The following SACS variants were observed in gnomAD, a reference collection of about 807,000 sequenced individuals.
SACS encodes the protein sacsin.
Under a neutral mutation model 348.0 loss-of-function variants are expected in SACS, and 197 were observed. The observed-to-expected ratio is 0.57, with a 90% CI of 0.50 to 0.64. SACS has a LOEUF of 0.64. Among genes scored for constraint, SACS ranks in the 30% least tolerant of loss-of-function variants. The probability of loss-of-function intolerance (pLI) is 0.00; values close to 1 mark genes in which losing one functional copy is unlikely to be tolerated. For synonymous variants in SACS, 1,985 were observed against 1,910.6 expected (o/e 1.04, Z -1.02); for missense variants, 4,999 against 5,360.8 (o/e 0.93, Z 2.11).
intron 2 of SACS, among the ~76,000 whole-genome samples, chr13:23,409,070 T>TTTTTTTTTTTTTTTTTTTTTTTG: frequency 1.4e-5 from 1 of 72,732 alleles, no homozygotes; most frequent in Non-Finnish European, 2.7e-5. Flanking sequence ...TTTTTTTTTT[T>TTTTTTTTTTTTTTTTTTTTTTTG]GAGACGGAGT....
At chr13:23,412,556 G>A (rs939632452) in intron 1 of SACS, among the ~76,000 whole-genome samples, 29 of 151,198 alleles carry the variant, frequency 1.9e-4, no homozygotes, top group African/African-American at 6.8e-4. Context: ...TGGGATTACA[G>A]GCGCCTGCCC....
At chr13:23,377,899 T>C (rs1477364056) in intron 2 of SACS, among the ~76,000 whole-genome samples, 1 of 152,226 alleles carries the variant, frequency 6.6e-6, no homozygotes, top group African/African-American at 2.4e-5. Flanking sequence ...CTCCGTGGGA[T>C]ATCCCAGTGG....
intron 2 of SACS, among the ~76,000 whole-genome samples, chr13:23,399,037 A>AAAAAAAAAAAAAAAAAAAAAAAAAC (rs55848856): frequency 1.3e-5 from 2 of 149,862 alleles, no homozygotes; most frequent in Admixed American, 1.3e-4. Flanking sequence ...AAAAAAAAAA[A>AAAAAAAAAAAAAAAAAAAAAAAAAC]CATGGATGCC....
At position 23,338,341 on chromosome 13, in the gene SACS, T is replaced by C. The variant is rs747629238; in HGVS notation, c.5535A>G (p.Pro1845=). Residue 1845 remains proline (P), a synonymous_variant, in exon 10 of 10, where the codon CCA becomes CCG. Coordinates refer to ENST00000382292, the MANE Select transcript of SACS (RefSeq NM_014363.6). ...ACAGCTGAACTCCTACTGCCCCACATGGAACCAGTCCTAGTCTTCTTCCAC... is the reference window on the plus strand; with the variant it reads ...ACAGCTGAACTCCTACTGCCCCACACGGAACCAGTCCTAGTCTTCTTCCAC... ...SESGRRLGLV[P]CGAVGVQLSE... 3.1e-6 allele frequency: 5 copies of C among 1,614,136 alleles called. No individual in the cohort carries two copies. Among genetic ancestry groups the C allele is most frequent in the South Asian group, 1.1e-5 (1 of 91,078 alleles).
chr13:23,393,720 C>T (rs1461497350), intron 2 of SACS, among the ~76,000 whole-genome samples: 2 of 151,910 alleles, frequency 1.3e-5, no homozygotes, highest in Non-Finnish European at 2.9e-5. Flanking sequence ...TAAAGAGCCC[C>T]TTTTGGCCCT....
intron 2 of SACS, among the ~76,000 whole-genome samples, chr13:23,408,057 G>C (rs1004799553): frequency 6.6e-6 from 1 of 152,124 alleles, no homozygotes; most frequent in African/African-American, 2.4e-5. Context: ...CAATCGTCTT[G>C]ATGCCTATCA....
chr13:23,374,525 C>T (rs1871618270), intron 3 of SACS, among the ~76,000 whole-genome samples: 1 of 152,220 alleles, frequency 6.6e-6, no homozygotes, highest in African/African-American at 2.4e-5. Flanking sequence ...TTCAACTGAA[C>T]TCTCCCTTTA....
Position 23,389,189 on chromosome 13 carries a change from T to C in SACS, c.21-13920A>G, listed in dbSNP as rs951264983. On this transcript the variant is annotated intron_variant, in intron 2 of 9. Coordinates refer to ENST00000382292, the MANE Select transcript of SACS (RefSeq NM_014363.6). ...GTGTGTGTATATATATATGTGTGTA[T>C]GTGTGTGTGTGTATATAGCCTGTGT... Among the ~76,000 whole-genome samples, 4 of 127,400 alleles carry C rather than the reference T, an allele frequency of 3.1e-5. 1 individual carries two copies. The highest frequency in any genetic ancestry group is 7.7e-5 in the Admixed American group (1 of 12,962). The allele number at this position is 127,400 out of a possible 152,430, so 83.6% of individuals were successfully genotyped here.
rs1555251539 is a variant in SACS, at chr13:23,336,712, GGT to G, written c.7162_7163del (p.Thr2388ArgfsTer10). 1 of 1,613,728 alleles carries G rather than the reference GGT, an allele frequency of 6.2e-7. No homozygotes were observed. The highest frequency in any genetic ancestry group is 8.5e-7 in the Non-Finnish European group (1 of 1,179,836). ...YKNNFRELFETVGVRQSCTVE... is the reference protein window; with the variant it reads ...YKNNFRELFEXVGVRQSCTVE... ...CAGTGCATGACTGCCTCACACCCAC[GGT>G]TTCAAAAAGTTCGCGGAAATTATTT... On this transcript the variant is annotated frameshift_variant, in exon 10 of 10. Transcript: ENST00000382292. LOFTEE classifies it high-confidence loss of function.
At position 23,335,309 on chromosome 13, in the gene SACS, C is replaced by A; in HGVS notation, c.8567G>T (p.Cys2856Phe). The change falls in exon 10 of 10, where the codon TGC (cysteine) becomes TTC (phenylalanine). Residue 2856 changes from cysteine to phenylalanine, a missense_variant. Coordinates refer to ENST00000382292, the MANE Select transcript of SACS (RefSeq NM_014363.6). The surrounding 1 kb of genome is among the most constrained non-coding windows in gnomAD (Gnocchi z 4.7). The stretch of plus-strand genomic sequence containing the variant: ...GGGTTTTTTATAGTTGTGAGTAATG[C>A]AGGCAGCTACTCCACCACGTGGGAA... ...TLFPRGGVAACITHNYKKPHR... is the reference protein window; with the variant it reads ...TLFPRGGVAAFITHNYKKPHR... 6.2e-7 allele frequency: 1 copy of A among 1,613,890 alleles called. No homozygotes were observed. Among genetic ancestry groups the A allele is most frequent in the South Asian group, 1.1e-5 (1 of 91,078 alleles).
At position 23,336,576 on chromosome 13, in the gene SACS, T is replaced by G. The variant is rs112638594; in HGVS notation, c.7300A>C (p.Ser2434Arg). ...CRRIISEGIW[S>R]LIREKKQEFC... ...TCTTGTTTCTTTTCTCTAATGAGAC[T>G]CCATATTCCTTCACTGATTATTCGT... The change falls in exon 10 of 10, where the codon AGT (serine) becomes CGT (arginine). Residue 2434 changes from serine (S) to arginine (R), a missense_variant. By Grantham distance (110) the Ser-to-Arg change is moderately radical. Coordinates refer to ENST00000382292, the MANE Select transcript of SACS (RefSeq NM_014363.6). 6.2e-7 allele frequency: 1 copy of G among 1,613,502 alleles called. No individual in the cohort carries two copies.
chr13:23,348,438 C>T (rs1218566023), intron 9 of SACS, among the ~76,000 whole-genome samples: 1 of 152,234 alleles, frequency 6.6e-6, no homozygotes, highest in Non-Finnish European at 1.5e-5. Flanking sequence ...AGCCCAGCAG[C>T]TGAAGCATCA....
chr13:23,333,831 A>G lies in SACS; in HGVS notation c.10045T>C (p.Ser3349Pro). The G allele has an allele frequency of 1.2e-6, 2 of 1,613,876 alleles. No individual in the cohort carries two copies. The highest frequency in any genetic ancestry group is 1.7e-5 in the Admixed American group (1 of 60,006). ...CTCTCTATATTTGCTGTGTGACATG[A>G]CAACAAAGGAACAAATGCACTGTCT... ...SKDSAFVPLL[S>P]CHTANIESPT... Residue 3349 changes from serine (S) to proline (P), a missense_variant, in exon 10 of 10, where the codon TCA becomes CCA. Physicochemically the swap from Ser to Pro is moderately conservative, Grantham distance 74. This residue lies in a region of SACS where 734 missense variants were observed against 694.0 expected (regional missense o/e 1.06). Coordinates refer to ENST00000382292, the MANE Select transcript of SACS (RefSeq NM_014363.6).
At position 23,353,947 on chromosome 13, in the gene SACS, T is replaced by TA. The variant is rs557804807; in HGVS notation, c.2094-72dup. Reference sequence around the variant, plus strand: ...CCAAGATTTTAAAAAAACAATCACATATTTTCAAGTCAGTTAAGCCGACTA... The same window carrying TA: ...CCAAGATTTTAAAAAAACAATCACATAATTTTCAAGTCAGTTAAGCCGACTA... On this transcript the variant is annotated intron_variant, in intron 8 of 9. Coordinates refer to ENST00000382292, the MANE Select transcript of SACS (RefSeq NM_014363.6). The TA allele has an allele frequency of 2.7e-4, 253 of 922,320 alleles. 2 individuals are homozygous for TA. The East Asian group carries it at 6.0e-3, about 22-fold the overall frequency. 57.1% of individuals were successfully genotyped at this position (922,320 alleles called of 1,614,324 possible).
Position 23,334,899 on chromosome 13 carries a change from A to C in SACS, c.8977T>G (p.Leu2993Val). The C allele has an allele frequency of 6.2e-7, 1 of 1,613,862 alleles. No homozygotes were observed. Among genetic ancestry groups the C allele is most frequent in the Non-Finnish European group, 8.5e-7 (1 of 1,179,850 alleles). Residue 2993 changes from leucine (L) to valine (V), a missense_variant, in exon 10 of 10, where the codon TTA (leucine) becomes GTA (valine). Transcript: ENST00000382292. ...ATATTTGGAGCCCGCACAACAGGTA[A>C]AAGACGTTTCATGTCTTCGTGAATG... ...NCIHEDMKRLLPVVRAPNIDG... is the reference protein window; with the variant it reads ...NCIHEDMKRLVPVVRAPNIDG...
chr13:23,370,491 C>A (rs2137812345), intron 4 of SACS, among the ~76,000 whole-genome samples: 1 of 152,316 alleles, frequency 6.6e-6, no homozygotes, highest in East Asian at 1.9e-4. Context: ...ACCCTACCCA[C>A]TTAGTAAGTT....
intron 7 of SACS, among the ~76,000 whole-genome samples, chr13:23,356,511 G>A (rs1198626289): frequency 2.6e-5 from 4 of 152,226 alleles, no homozygotes; most frequent in African/African-American, 9.6e-5. Flanking sequence ...CTCTGCCTCT[G>A]GAGCGGAAGC....
In SACS at chr13:23,330,287, C is replaced by G; in HGVS notation, c.13589G>C (p.Gly4530Ala). ...GTATCTTGTTTTTAAACTGTCTACA[C>G]CATAAGCTTCCAATGTGTGAACATC... ...TNDVHTLEAY[G>A]VDSLKTRYPD... The change falls in exon 10 of 10, where the codon GGT becomes GCT. Residue 4530 changes from glycine to alanine, a missense_variant. Physicochemically the swap from Gly to Ala is moderately conservative, Grantham distance 60 (BLOSUM62 0). This residue lies in a region of SACS where 254 missense variants were observed against 275.1 expected (regional missense o/e 0.92). Coordinates refer to ENST00000382292, the MANE Select transcript of SACS (RefSeq NM_014363.6). 6.2e-7 allele frequency: 1 copy of G among 1,614,182 alleles called. No homozygotes were observed. Among genetic ancestry groups the G allele is most frequent in the Non-Finnish European group, 8.5e-7 (1 of 1,180,020 alleles).
chr13:23,414,119 A>G (rs895709795), intron 1 of SACS, among the ~76,000 whole-genome samples: 1 of 152,172 alleles, frequency 6.6e-6, no homozygotes, highest in African/African-American at 2.4e-5. Flanking sequence ...CCTGGCTAAC[A>G]CAGTGAAACC....
Sources: allele counts gnomAD v4.1 joint callset (sites outside exome capture counted in the v4.1 genomes callset), GRCh38; gene constraint gnomAD v4.1.1; regional missense constraint gnomAD v4.1.1; non-coding constraint Gnocchi (gnomAD v3.1); transcripts MANE v1.5; gene names NCBI Gene and HGNC (gene_info 2026-07-23, HGNC 2026-07-21).